The following SMYD3 variants were observed in gnomAD, a reference collection of about 807,000 sequenced individuals.
SMYD3 encodes SET and MYND domain containing 3.
SMYD3 carries 36 observed loss-of-function variants against 57.7 expected under a neutral mutation model. The ratio of observed to expected loss-of-function variants is 0.62; its 90% CI spans 0.48 to 0.82. SMYD3 has a LOEUF of 0.82. Ranked by LOEUF, SMYD3 falls within the 40% of genes least tolerant of loss-of-function variation. The pLI, the probability that SMYD3 is intolerant of heterozygous loss-of-function variation, is 0.00. For synonymous variants in SMYD3, 211 were observed against 195.0 expected (o/e 1.08, Z -0.68); for missense variants, 515 against 538.8 (o/e 0.96, Z 0.44).
chr1:245,954,665 C>T (rs555259883), intron 5 of SMYD3, among the ~76,000 whole-genome samples: 1 of 152,318 alleles, frequency 6.6e-6, no homozygotes, highest in South Asian at 2.1e-4. Flanking sequence ...GCCTTGGTGA[C>T]ACAGCAAGAC....
intron 7 of SMYD3, among the ~76,000 whole-genome samples, chr1:245,920,116 A>T (rs1004147428): frequency 2.0e-5 from 3 of 152,126 alleles, no homozygotes; most frequent in Admixed American, 6.5e-5. Flanking sequence ...GATTGAGACC[A>T]TCCTGGCTAA....
chr1:245,820,067 C>G (rs1478072990), intron 10 of SMYD3, among the ~76,000 whole-genome samples: 1 of 129,962 alleles, frequency 7.7e-6, no homozygotes, highest in African/African-American at 2.9e-5. Flanking sequence ...CATTCTGATA[C>G]CAAAGCCTGG....
intron 5 of SMYD3, among the ~76,000 whole-genome samples, chr1:246,187,871 C>T (rs757097768): frequency 1.2e-4 from 18 of 151,804 alleles, no homozygotes; most frequent in African/African-American, 2.7e-4. Flanking sequence ...CACTTGTTGA[C>T]GGAAATATTA....
At chr1:246,002,248 G>C (rs781316956) in intron 5 of SMYD3, among the ~76,000 whole-genome samples, 34 of 141,230 alleles carry the variant, frequency 2.4e-4, no homozygotes, top group Non-Finnish European at 3.1e-4. Flanking sequence ...GCTGTGGCGC[G>C]ATCTCGGCTC....
At chr1:246,280,318 CAT>C (rs1365073951) in intron 5 of SMYD3, among the ~76,000 whole-genome samples, 1 of 152,166 alleles carries the variant, frequency 6.6e-6, no homozygotes, top group Non-Finnish European at 1.5e-5. Context: ...AAGAAATGCA[CAT>C]GATATAGTCA....
At chr1:246,020,541 G>A (rs1253343664) in intron 5 of SMYD3, among the ~76,000 whole-genome samples, 2 of 152,142 alleles carry the variant, frequency 1.3e-5, no homozygotes, top group East Asian at 3.9e-4. Flanking sequence ...CTCATTACAA[G>A]AAAGGAGGCT....
chr1:246,286,870 C>A (rs1220707858), intron 5 of SMYD3, among the ~76,000 whole-genome samples: 1 of 146,754 alleles, frequency 6.8e-6, no homozygotes, highest in Admixed American at 7.0e-5. Context: ...ATAAAAAAAT[C>A]TTTTTTTTTG....
At chr1:246,250,597 G>A (rs142810009) in intron 5 of SMYD3, among the ~76,000 whole-genome samples, 7 of 152,274 alleles carry the variant, frequency 4.6e-5, no homozygotes, top group South Asian at 2.1e-4. Flanking sequence ...GCAGAGTATC[G>A]TGTGTCTATT....
Position 246,262,309 on chromosome 1 carries a change from C to T in SMYD3, c.531+64892G>A, listed in dbSNP as rs112365007. Among the ~76,000 whole-genome samples the T allele has an allele frequency of 2.2e-3, 340 of 152,176 alleles. 3 individuals are homozygous for T. The highest frequency in any genetic ancestry group is 6.8e-3 in the Middle Eastern group (2 of 294). On this transcript the variant is annotated intron_variant, in intron 5 of 11. Transcript: ENST00000490107. The stretch of plus-strand genomic sequence containing the variant: ...TCTAACGATATGGTGGATAAGAATC[C>T]GATTTTAAATCTTGACATTGCTTGA...
At chr1:246,227,373 T>C (rs2063344408) in intron 5 of SMYD3, among the ~76,000 whole-genome samples, 1 of 152,196 alleles carries the variant, frequency 6.6e-6, no homozygotes, top group Non-Finnish European at 1.5e-5. Context: ...CCCAGCACTT[T>C]GGGAGGCCAA....
intron 5 of SMYD3, among the ~76,000 whole-genome samples, chr1:246,087,317 C>T (rs2060737412): frequency 6.6e-6 from 1 of 152,176 alleles, no homozygotes; most frequent in African/African-American, 2.4e-5. Context: ...TTCTTCCCTA[C>T]TAGACATAAG....
At chr1:246,335,669 A>G (rs2065531881) in intron 2 of SMYD3, among the ~76,000 whole-genome samples, 195 bp from the exon 3 acceptor site, 1 of 152,210 alleles carries the variant, frequency 6.6e-6, no homozygotes, top group South Asian at 2.1e-4. Context: ...TTACTATGCA[A>G]GGACATTAAA....
chr1:246,346,636 G>C (rs1303499293), intron 2 of SMYD3, among the ~76,000 whole-genome samples: 1 of 152,158 alleles, frequency 6.6e-6, no homozygotes, highest in East Asian at 1.9e-4. Flanking sequence ...CCAATCTTGT[G>C]AGAACTAACT....
At chr1:246,385,316 G>GCCCATTTCCTAAGTATACTTAGGATATA (rs774253262) in intron 1 of SMYD3, among the ~76,000 whole-genome samples, 5,945 of 151,612 alleles carry the variant, frequency 0.039, 152 homozygotes, top group Non-Finnish European at 0.049. Context: ...CTTCGGATAT[G>GCCCATTTCCTAAGTATACTTAGGATATA]CCCATTTCCT....
chr1:245,875,490 A>G (rs373285729), intron 8 of SMYD3, among the ~76,000 whole-genome samples: 2 of 152,248 alleles, frequency 1.3e-5, no homozygotes, highest in East Asian at 3.8e-4. Flanking sequence ...ATCTTCCATT[A>G]GAACCTGGCA....
At chr1:246,291,904 A>T (rs1572344708) in intron 5 of SMYD3, among the ~76,000 whole-genome samples, 1 of 151,944 alleles carries the variant, frequency 6.6e-6, no homozygotes, top group East Asian at 1.9e-4. Context: ...CCAACACACC[A>T]GCATCTTAGA....
intron 8 of SMYD3, among the ~76,000 whole-genome samples, chr1:245,882,092 C>CAACAGGGTGGA (rs2052810498): frequency 6.6e-6 from 1 of 152,180 alleles, no homozygotes; most frequent in South Asian, 2.1e-4. Context: ...AATTCCAAGA[C>CAACAGGGTGGA]AACAGGGTGG....
intron 5 of SMYD3, among the ~76,000 whole-genome samples, chr1:246,211,553 G>C (rs2063088844): frequency 1.3e-5 from 2 of 151,946 alleles, no homozygotes; most frequent in South Asian, 4.1e-4. Context: ...AATTGTACCT[G>C]TGATGAAAGC....
chr1:245,912,265 C>T (rs536886060), intron 8 of SMYD3, among the ~76,000 whole-genome samples: 3 of 151,976 alleles, frequency 2.0e-5, no homozygotes, highest in Non-Finnish European at 2.9e-5. Context: ...ACTAGCTACC[C>T]ACCCCCCAAA....
Sources: gnomAD v4.1 joint callset for allele counts (sites outside exome capture counted in the v4.1 genomes callset) on GRCh38, gnomAD v4.1.1 for gene constraint, MANE v1.5 for transcripts, NCBI Gene and HGNC (gene_info 2026-07-23, HGNC 2026-07-21) for gene names.